The following SRSF4 variants were observed in gnomAD, a reference collection of about 807,000 sequenced individuals.
SRSF4 encodes serine/arginine-rich splicing factor 4.
Under a neutral mutation model 48.8 loss-of-function variants are expected in SRSF4, and 12 were observed. That is an observed-to-expected ratio of 0.25 (90% confidence interval 0.16 to 0.40). SRSF4 has a LOEUF of 0.40. Ranked by LOEUF, SRSF4 falls within the 10% of genes least tolerant of loss-of-function variation. SRSF4 has a pLI of 1.00. For synonymous variants in SRSF4, 248 were observed against 232.5 expected (o/e 1.07, Z -0.61); for missense variants, 466 against 667.1 (o/e 0.70, Z 3.32).
rs2230678 is a variant in SRSF4 at position 29,148,829 on chromosome 1, C to T, written c.1066G>A (p.Gly356Ser). The T allele has an allele frequency of 0.74, 1,190,708 of 1,609,916 alleles. 456,269 individuals carry two copies. Among genetic ancestry groups the T allele is most frequent in the Non-Finnish European group, 0.8 (943,118 of 1,178,316 alleles). The change falls in exon 6 of 6, where the codon GGC becomes AGC. Residue 356 changes from glycine (G) to serine (S), a missense_variant. Gly to Ser is a moderately conservative substitution (Grantham distance 56, BLOSUM62 0). Coordinates refer to ENST00000373795, the MANE Select transcript of SRSF4 (RefSeq NM_005626.5). ...CTCTCCTCTCTGCTTCTCTTCCTGC[C>T]CTTCCTCTTGTCCTTGCTCTTGCTG... ...SRSKSKDKRKGRKRSREESRS... is the reference protein window; with the variant it reads ...SRSKSKDKRKSRKRSREESRS...
intron 1 of SRSF4, among the ~76,000 whole-genome samples, chr1:29,174,494 G>C (rs553727701): frequency 1.3e-5 from 2 of 152,140 alleles, no homozygotes; most frequent in East Asian, 3.9e-4. Context: ...ATGTATGTTG[G>C]AGTACTATGT....
intron 1 of SRSF4, among the ~76,000 whole-genome samples, chr1:29,179,925 A>G (rs1672928929): frequency 6.6e-6 from 1 of 152,212 alleles, no homozygotes; most frequent in East Asian, 1.9e-4. Context: ...TTTCCCATTA[A>G]CAGTCTTGTC....
chr1:29,173,174 G>A (rs1253274649), intron 1 of SRSF4: 1 of 107,928 alleles, frequency 9.3e-6, no homozygotes, highest in Non-Finnish European at 1.7e-5. Flanking sequence ...GTCTTGCTCT[G>A]TCATCCAGGC....
intron 4 of SRSF4, among the ~76,000 whole-genome samples, chr1:29,152,506 C>T (rs1381464227): frequency 6.6e-6 from 1 of 152,188 alleles, no homozygotes; most frequent in African/African-American, 2.4e-5. Context: ...TATATCTGGT[C>T]CTTCTCTGCC....
chr1:29,169,688 G>A (rs1243897804), intron 1 of SRSF4: 5 of 152,050 alleles, frequency 3.3e-5, no homozygotes, highest in Admixed American at 2.6e-4. Context: ...TAAACCAACT[G>A]CTGAAAAAAA....
chr1:29,152,371 C>G (rs1672424673), intron 4 of SRSF4, among the ~76,000 whole-genome samples: 1 of 152,086 alleles, frequency 6.6e-6, no homozygotes, highest in Non-Finnish European at 1.5e-5. Flanking sequence ...CAGAGTTCTC[C>G]AATGCTTCAT....
At chr1:29,175,474 T>C (rs1001421525) in intron 1 of SRSF4, among the ~76,000 whole-genome samples, 2 of 150,274 alleles carry the variant, frequency 1.3e-5, no homozygotes, top group African/African-American at 2.5e-5. Flanking sequence ...GGCGGGTGGA[T>C]CATGAGGTCA....
At chr1:29,173,687 G>A (rs1182208702) in intron 1 of SRSF4, among the ~76,000 whole-genome samples, 2 of 148,018 alleles carry the variant, frequency 1.4e-5, no homozygotes, top group Non-Finnish European at 3.0e-5. Context: ...GACCTCAAGT[G>A]ATCCGCCCAC....
At position 29,150,327 on chromosome 1, in the gene SRSF4, C is replaced by T. The variant is rs913950334; in HGVS notation, c.579-135G>A. 4.0e-5 allele frequency: 14 copies of T among 349,434 alleles called. No individual in the cohort carries two copies. In the South Asian group the frequency reaches 1.0e-3, roughly 25 times the overall value. 21.6% of individuals were successfully genotyped at this position (349,434 alleles called of 1,614,324 possible). A position where few individuals can be genotyped will look rare whatever the true frequency, so the allele number is the denominator to read the frequency against. On this transcript the variant is annotated intron_variant, in intron 4 of 5. Transcript: ENST00000373795. ...TTGCCCAGGCTGGAGTGCAATGGCGCGATCTCGGCTCACCACAACCTCCAC... is the reference window on the plus strand; with the variant it reads ...TTGCCCAGGCTGGAGTGCAATGGCGTGATCTCGGCTCACCACAACCTCCAC...
chr1:29,163,423 T>C (rs1180118685), intron 1 of SRSF4, among the ~76,000 whole-genome samples: 1 of 152,218 alleles, frequency 6.6e-6, no homozygotes, highest in Non-Finnish European at 1.5e-5. Context: ...CTGAGTGGGT[T>C]TGGAAGATTA....
chr1:29,150,275 T>C (rs1370687517), intron 4 of SRSF4, 83 bp from the exon 5 acceptor site: 5 of 701,500 alleles, frequency 7.1e-6, no homozygotes, highest in Non-Finnish European at 1.0e-5. Flanking sequence ...ATTATATATA[T>C]ATATTTTAGA....
chr1:29,148,811 C>G lies in SRSF4; in HGVS notation c.1084G>C (p.Glu362Gln). The change falls in exon 6 of 6, where the codon GAG becomes CAG. Residue 362 changes from glutamate (E) to glutamine (Q), a missense_variant. By Grantham distance (29) the Glu-to-Gln change is conservative. Around this residue, in one of 2 missense-constraint regions of SRSF4, gnomAD observed 402 missense variants for 437.0 expected, o/e 0.92. Transcript: ENST00000373795. ...CTGCGACTGCGACTGCGGCTCTCCT[C>G]TCTGCTTCTCTTCCTGCCCTTCCTC... ...DKRKGRKRSR[E>Q]ESRSRSRSRS... 1 of 1,609,696 alleles carries G rather than the reference C, an allele frequency of 6.2e-7. No individual in the cohort carries two copies. Among genetic ancestry groups the G allele is most frequent in the Non-Finnish European group, 8.5e-7 (1 of 1,177,344 alleles).
chr1:29,171,136 C>CACGAT (rs1672739630), intron 1 of SRSF4: 1 of 152,106 alleles, frequency 6.6e-6, no homozygotes, highest in African/African-American at 2.4e-5. Flanking sequence ...CCTCAGCCAA[C>CACGAT]CACGATAAAG....
At position 29,149,206 on chromosome 1, in the gene SRSF4, C is replaced by G. The variant is rs1363316584; in HGVS notation, c.689G>C (p.Ser230Thr). 6.2e-7 allele frequency: 1 copy of G among 1,608,850 alleles called. No homozygotes were observed. The highest frequency in any genetic ancestry group is 1.1e-5 in the South Asian group (1 of 91,044). The change falls in exon 6 of 6, where the codon AGC becomes ACC. Residue 230 changes from serine (S) to threonine (T), a missense_variant. Transcript: ENST00000373795. ...ACTCTGGCTCCGGCTCCGGCTCTTG[C>G]TCCGGGAGCGGGAGCCCGACCTGAG... ...SRSRSGSRSR[S>T]KSRSRSQSRS... is the part of the protein sequence containing the mutation.
At chr1:29,158,295 G>A (rs1672532283) in intron 3 of SRSF4, among the ~76,000 whole-genome samples, 1 of 152,198 alleles carries the variant, frequency 6.6e-6, no homozygotes. Context: ...ACATGGGTCA[G>A]ATTGTCAATT....
chr1:29,162,302 C>T (rs185451167), intron 1 of SRSF4, among the ~76,000 whole-genome samples: 15 of 152,158 alleles, frequency 9.9e-5, no homozygotes, highest in Non-Finnish European at 1.2e-4. Flanking sequence ...TAAAGCCTCT[C>T]GAAATCCCTG....
chr1:29,158,040 C>T (rs1028244998), intron 3 of SRSF4, among the ~76,000 whole-genome samples: 7 of 152,064 alleles, frequency 4.6e-5, no homozygotes, highest in African/African-American at 1.7e-4. Context: ...GGCATGGTGG[C>T]ATGCACTTGT....
chr1:29,161,355 C>A (rs1672591971), intron 1 of SRSF4, among the ~76,000 whole-genome samples: 1 of 151,676 alleles, frequency 6.6e-6, no homozygotes, highest in Non-Finnish European at 1.5e-5. Flanking sequence ...TCTGACACAG[C>A]TGTGAAAAGT....
At chr1:29,174,521 G>A (rs375606711) in intron 1 of SRSF4, among the ~76,000 whole-genome samples, 6 of 152,030 alleles carry the variant, frequency 3.9e-5, no homozygotes, top group East Asian at 3.8e-4. Context: ...TAGAAACCAG[G>A]TTGTAGGAGA....
Sources: gnomAD v4.1 joint callset for allele counts (sites outside exome capture counted in the v4.1 genomes callset) on GRCh38, gnomAD v4.1.1 for gene constraint, gnomAD v4.1.1 regional missense constraint, MANE v1.5 for transcripts, NCBI Gene and HGNC (gene_info 2026-07-23, HGNC 2026-07-21) for gene names.